EP300: variants seen among roughly 807,000 people sequenced by gnomAD.
EP300 encodes EP300 lysine acetyltransferase.
In EP300, 31 loss-of-function variants were observed where a neutral mutation model predicts 264.0. The ratio of observed to expected loss-of-function variants is 0.12; its 90% CI spans 0.09 to 0.16. The LOEUF (loss-of-function observed/expected upper bound fraction) is 0.16. EP300 is among the 10% of genes least tolerant of loss of function. The probability of loss-of-function intolerance (pLI) is 1.00; values close to 1 mark genes in which losing one functional copy is unlikely to be tolerated. For missense variants in EP300, 2,766 were observed against 3,052.9 expected (o/e 0.91, Z 2.21); for synonymous variants, 1,340 against 1,045.4 (o/e 1.28, Z -5.44).
At chr22:41,169,770 A>G (rs991744142) in intron 26 of EP300, among the ~76,000 whole-genome samples, 154 bp downstream of exon 26, 2 of 152,074 alleles carry the variant, frequency 1.3e-5, no homozygotes, top group Admixed American at 1.3e-4. Context: ...GCCCCTTTGA[A>G]GTTAATGTCA....
intron 29 of EP300, among the ~76,000 whole-genome samples, chr22:41,174,414 A>C (rs958553556): frequency 2.6e-5 from 4 of 152,202 alleles, no homozygotes; most frequent in African/African-American, 9.7e-5. Context: ...CTGTTTCAAA[A>C]AATAAAAAGA....
chr22:41,163,567 C>G (rs566833734), intron 21 of EP300, among the ~76,000 whole-genome samples: 141 of 151,466 alleles, frequency 9.3e-4, no homozygotes, highest in African/African-American at 3.3e-3. Flanking sequence ...GCCAACATGG[C>G]AAAATCCCGT....
intron 30 of EP300, 92 bp downstream of exon 30, chr22:41,176,620 T>G: frequency 6.2e-7 from 1 of 1,607,734 alleles, no homozygotes; most frequent in Non-Finnish European, 8.5e-7. Context: ...GCCTGTGGGA[T>G]GCTAGGGGCT....
chr22:41,112,134 C>T (rs776125271), intron 1 of EP300, among the ~76,000 whole-genome samples: 60 of 150,394 alleles, frequency 4.0e-4, no homozygotes, highest in Non-Finnish European at 6.2e-4. Context: ...GTGATCCGCC[C>T]GCCTTGGCCT....
intron 10 of EP300, among the ~76,000 whole-genome samples, chr22:41,141,470 C>T (rs1415019283): frequency 6.6e-6 from 1 of 152,150 alleles, no homozygotes; most frequent in African/African-American, 2.4e-5. Flanking sequence ...AAGGTGTAAA[C>T]TTCTCTAATA....
chr22:41,102,673 A>G (rs1187719874), intron 1 of EP300, among the ~76,000 whole-genome samples: 1 of 152,140 alleles, frequency 6.6e-6, no homozygotes, highest in Non-Finnish European at 1.5e-5. Context: ...AGACCAGTGA[A>G]ACAGCTGTTT....
At chr22:41,168,995 C>A in intron 25 of EP300, 128 bp downstream of exon 25, 1 of 1,336,386 alleles carries the variant, frequency 7.5e-7, no homozygotes, top group Admixed American at 1.7e-5. Flanking sequence ...CTCAAGTGTC[C>A]AGTAATTTTA....
intron 2 of EP300, among the ~76,000 whole-genome samples, chr22:41,123,117 T>G (rs1281301677): frequency 6.6e-6 from 1 of 152,200 alleles, no homozygotes; most frequent in East Asian, 1.9e-4. Context: ...TAGTAACATT[T>G]GAAATTACAA....
At chr22:41,163,730 CAGAG>C (rs1262238891) in intron 21 of EP300, among the ~76,000 whole-genome samples, 1 of 151,378 alleles carries the variant, frequency 6.6e-6, no homozygotes, top group Non-Finnish European at 1.5e-5. Context: ...CTGGGCGACA[CAGAG>C]AGACTCCATC....
Position 41,167,814 on chromosome 22 carries a change from G to GGTTTTTTTTT in EP300, c.3875-635_3875-634insGTTTTTTTTT, listed in dbSNP as rs71328778. The stretch of plus-strand genomic sequence containing the variant: ...CATTGTTCTATTTCTGTTTGTTTTT[G>GGTTTTTTTTT]TTTTTTTTTTTGTTTTTTTTTTTTT... On this transcript the variant is annotated intron_variant, in intron 23 of 30. Transcript: ENST00000263253. Among the ~76,000 whole-genome samples the GGTTTTTTTTT allele has an allele frequency of 1.5e-3, 96 of 66,198 alleles. 10 individuals carry two copies. The highest frequency in any genetic ancestry group is 0.01 in the Middle Eastern group (1 of 98). The allele number at this position is 66,198 out of a possible 152,430, so 43.4% of individuals were successfully genotyped here.
chr22:41,175,485 C>G (rs546652392), intron 29 of EP300, among the ~76,000 whole-genome samples: 2 of 152,164 alleles, frequency 1.3e-5, no homozygotes, highest in Non-Finnish European at 2.9e-5. Flanking sequence ...ATGGTTGTTA[C>G]AAGTTTTTTC....
At chr22:41,137,508 C>A in intron 7 of EP300, 145 bp from the exon 8 acceptor site, 2 of 1,061,940 alleles carry the variant, frequency 1.9e-6, no homozygotes, top group Non-Finnish European at 2.8e-6. Context: ...AGTCTAGTCA[C>A]ACACTTCTCC....
intron 21 of EP300, 56 bp downstream of exon 21, chr22:41,162,835 A>G (rs1437390403): frequency 6.8e-7 from 1 of 1,470,476 alleles, no homozygotes; most frequent in East Asian, 2.3e-5. Context: ...TTTCCCTTTC[A>G]TTCTCTTGAA....
At chr22:41,135,747 T>C (rs1342754297) in intron 6 of EP300, 66 bp from the exon 7 acceptor site, 3 of 1,212,600 alleles carry the variant, frequency 2.5e-6, no homozygotes, top group Non-Finnish European at 3.7e-6. Context: ...TTCTTAACTT[T>C]ATAGTATTTA....
chr22:41,099,942 T>G (rs1292804499), intron 1 of EP300, among the ~76,000 whole-genome samples: 2 of 152,000 alleles, frequency 1.3e-5, no homozygotes, highest in African/African-American at 4.8e-5. Flanking sequence ...TTTAAAACAT[T>G]GTTGTGGCTC....
chr22:41,154,383 T>C (rs1205842703), intron 16 of EP300, among the ~76,000 whole-genome samples: 2 of 131,470 alleles, frequency 1.5e-5, no homozygotes, highest in Admixed American at 1.7e-4. Flanking sequence ...ACTCTTTTTT[T>C]TTTTTTTTTT....
At chr22:41,153,929 A>AT (rs1032149453) in intron 16 of EP300, among the ~76,000 whole-genome samples, 2 of 151,996 alleles carry the variant, frequency 1.3e-5, no homozygotes, top group African/African-American at 2.4e-5. Flanking sequence ...CGATGATGAA[A>AT]TTTTTTTTGC....
chr22:41,167,814 GTTTTTTTTTT>G (rs1555911003), intron 23 of EP300, among the ~76,000 whole-genome samples: 4 of 66,226 alleles, frequency 6.0e-5, no homozygotes, highest in East Asian at 4.4e-4. Flanking sequence ...GTTTGTTTTT[GTTTTTTTTTT>G]TGTTTTTTTT....
Position 41,177,438 on chromosome 22 carries a change from CCCT to C in EP300, c.5732_5734del (p.Pro1911del), listed in dbSNP as rs755668623. On this transcript the variant is annotated inframe_deletion, in exon 31 of 31. Transcript: ENST00000263253. ...CAGCAGGCCAGGTGACCCCTCCAAC[CCCT>C]CCTCAGACTGCTCAGCCACCCCTTC... The C allele has an allele frequency of 1.9e-5, 31 of 1,614,092 alleles. No homozygotes were observed. In the African/African-American group the frequency reaches 2.7e-4, roughly 14 times the overall value.
Sources: gnomAD v4.1 joint callset for allele counts (sites outside exome capture counted in the v4.1 genomes callset) on GRCh38, gnomAD v4.1.1 for gene constraint, MANE v1.5 for transcripts, NCBI Gene and HGNC (gene_info 2026-07-23, HGNC 2026-07-21) for gene names.